Variants in MC2R observed in about 807,000 individuals in gnomAD.
MC2R encodes the protein adrenocorticotropic hormone receptor.
MC2R carries 9 observed loss-of-function variants against 9.8 expected under a neutral mutation model. That is an observed-to-expected ratio of 0.92 (90% CI 0.55 to 1.60). The LOEUF is 1.60. MC2R is among the 40% of genes most tolerant of loss of function. MC2R has a pLI of 0.00. For missense variants in MC2R, 370 were observed against 389.0 expected (o/e 0.95, Z 0.41); for synonymous variants, 185 against 154.7 (o/e 1.20, Z -1.45).
intron 1 of MC2R, 48 bp from the exon 2 acceptor site, chr18:13,885,694 T>TA: frequency 5.9e-6 from 4 of 675,780 alleles, no homozygotes; most frequent in Non-Finnish European, 1.0e-5. Context: ...CACTAGAAAA[T>TA]AAAAACCAGC....
At chr18:13,889,255 G>A (rs1161963504) in intron 1 of MC2R, among the ~76,000 whole-genome samples, 1 of 152,216 alleles carries the variant, frequency 6.6e-6, no homozygotes, top group Non-Finnish European at 1.5e-5. Context: ...CGAAGACCAA[G>A]CTCCATCACC....
intron 1 of MC2R, among the ~76,000 whole-genome samples, chr18:13,886,890 G>A (rs1054555164): frequency 6.6e-6 from 1 of 152,162 alleles, no homozygotes; most frequent in African/African-American, 2.4e-5. Context: ...TAATTACCTT[G>A]GAAAGGATTG....
At chr18:13,914,536 T>C (rs1238923638) in intron 1 of MC2R, among the ~76,000 whole-genome samples, 1 of 152,208 alleles carries the variant, frequency 6.6e-6, no homozygotes, top group Non-Finnish European at 1.5e-5. Context: ...TCTGATCTGC[T>C]CAAGGCTGTA....
intron 1 of MC2R, among the ~76,000 whole-genome samples, chr18:13,909,626 T>C (rs2045433264): frequency 6.6e-6 from 1 of 152,228 alleles, no homozygotes; most frequent in Non-Finnish European, 1.5e-5. Flanking sequence ...ATACTTTAGA[T>C]TATAATCCAA....
At chr18:13,901,814 C>A (rs1028681783) in intron 1 of MC2R, among the ~76,000 whole-genome samples, 5 of 152,096 alleles carry the variant, frequency 3.3e-5, no homozygotes, top group African/African-American at 4.8e-5. Flanking sequence ...TAAAGAAGAA[C>A]TAGTACCAAT....
At chr18:13,889,617 T>G (rs1278892601) in intron 1 of MC2R, among the ~76,000 whole-genome samples, 1 of 152,178 alleles carries the variant, frequency 6.6e-6, no homozygotes, top group Non-Finnish European at 1.5e-5. Context: ...CTCACTCTGT[T>G]AGATGCTCTT....
intron 1 of MC2R, among the ~76,000 whole-genome samples, chr18:13,887,996 C>CA (rs1273299743): frequency 6.6e-6 from 1 of 152,198 alleles, no homozygotes; most frequent in Non-Finnish European, 1.5e-5. Context: ...CTGTGGCCAG[C>CA]ATGGGCCATG....
intron 1 of MC2R, among the ~76,000 whole-genome samples, chr18:13,886,113 G>T (rs1567896206): frequency 6.6e-6 from 1 of 152,148 alleles, no homozygotes; most frequent in Non-Finnish European, 1.5e-5. Context: ...TACCCTATGG[G>T]TAACACGTAT....
In MC2R at chr18:13,885,523, C is replaced by T. The variant is rs2045270871; in HGVS notation, c.-5G>A. ...CGAGTTGATAATGTGCTTCATTTCT[C>T]CTGCTTGTGGTTAAGGCGGGGATGT... On this transcript the variant is annotated 5_prime_UTR_variant, in exon 2 of 2. Transcript: ENST00000327606. 9 of 1,614,070 alleles carry T rather than the reference C, an allele frequency of 5.6e-6. No homozygotes were observed. Among genetic ancestry groups the T allele is most frequent in the Non-Finnish European group, 6.8e-6 (8 of 1,180,016 alleles).
At chr18:13,902,380 C>T (rs1485668874) in intron 1 of MC2R, among the ~76,000 whole-genome samples, 1 of 152,064 alleles carries the variant, frequency 6.6e-6, no homozygotes, top group Non-Finnish European at 1.5e-5. Context: ...TCAGAATAGT[C>T]AAAGCTACCC....
At chr18:13,887,160 A>G (rs1224228280) in intron 1 of MC2R, among the ~76,000 whole-genome samples, 2 of 146,388 alleles carry the variant, frequency 1.4e-5, no homozygotes, top group Non-Finnish European at 3.0e-5. Flanking sequence ...CCTGCTGGGG[A>G]AGCCTCGGGG....
chr18:13,898,805 A>G (rs9989585), intron 1 of MC2R, among the ~76,000 whole-genome samples: 9,836 of 152,298 alleles, frequency 0.065, 1,003 homozygotes, highest in African/African-American at 0.22. Flanking sequence ...CAAGAACCAC[A>G]GTGTTACTGG....
chr18:13,896,976 A>G (rs1439076016), intron 1 of MC2R, among the ~76,000 whole-genome samples: 2 of 152,244 alleles, frequency 1.3e-5, no homozygotes, highest in Non-Finnish European at 2.9e-5. Flanking sequence ...GCCAGAATAG[A>G]AGGCTCCACT....
intron 1 of MC2R, among the ~76,000 whole-genome samples, chr18:13,907,248 G>T (rs2045419328): frequency 6.6e-6 from 1 of 152,162 alleles, no homozygotes; most frequent in Admixed American, 6.5e-5. Flanking sequence ...CTTCGACAAA[G>T]GTGCCAAGAA....
chr18:13,905,718 C>A (rs1440650757), intron 1 of MC2R, among the ~76,000 whole-genome samples: 1 of 152,110 alleles, frequency 6.6e-6, no homozygotes, highest in Non-Finnish European at 1.5e-5. Context: ...ACTGGAAATA[C>A]CATTTGACCC....
chr18:13,890,699 T>A, intron 1 of MC2R, among the ~76,000 whole-genome samples: 1 of 152,222 alleles, frequency 6.6e-6, no homozygotes, highest in East Asian at 1.9e-4. Context: ...CACTTATGTC[T>A]GTGTGTCTGT....
At chr18:13,909,711 T>A (rs7228602) in intron 1 of MC2R, among the ~76,000 whole-genome samples, 1,802 of 152,306 alleles carry the variant, frequency 0.012, 36 homozygotes, top group African/African-American at 0.041. Flanking sequence ...GGCACCTGTG[T>A]CCTGTGCCAG....
chr18:13,913,840 T>C (rs1174990737), intron 1 of MC2R, among the ~76,000 whole-genome samples: 1 of 152,178 alleles, frequency 6.6e-6, no homozygotes, highest in Non-Finnish European at 1.5e-5. Context: ...ATTATTCACA[T>C]GAAAACCCTG....
At position 13,911,254 on chromosome 18, in the gene MC2R, G is replaced by A. The variant is rs542644595; in HGVS notation, c.-129+4234C>T. ...TGTCAGGGAGCAACCCAGGCAGCCT[G>A]CAGCCTCTCCTGGAGCTCCCTTTTT... On this transcript the variant is annotated intron_variant, in intron 1 of 1. Transcript: ENST00000327606. Among the ~76,000 whole-genome samples the A allele has an allele frequency of 3.1e-3, 466 of 152,288 alleles. 1 individual carries two copies. The highest frequency in any genetic ancestry group is 5.2e-3 in the Non-Finnish European group (355 of 68,022).
Sources: allele counts gnomAD v4.1 joint callset (sites outside exome capture counted in the v4.1 genomes callset), GRCh38; gene constraint gnomAD v4.1.1; transcripts MANE v1.5; gene names NCBI Gene and HGNC (gene_info 2026-07-23, HGNC 2026-07-21).